Variants in GRID2 observed in about 807,000 individuals in gnomAD.
The protein encoded by GRID2 is glutamate receptor ionotropic, delta-2.
In GRID2, 33 loss-of-function variants were observed where a neutral mutation model predicts 114.8. That is an observed-to-expected ratio of 0.29 (90% CI 0.22 to 0.38). The LOEUF is 0.38. GRID2 is among the 10% of genes least tolerant of loss of function. The pLI is 1.00. For synonymous variants in GRID2, 505 were observed against 449.9 expected, an observed-to-expected ratio of 1.12 and a Z score of -1.55; for missense variants, 1,184 against 1,257.7, an observed-to-expected ratio of 0.94 and a Z score of 0.89.
At chr4:93,465,270 C>T (rs1310167314) in intron 11 of GRID2, among the ~76,000 whole-genome samples, 1 of 152,180 alleles carries the variant, frequency 6.6e-6, no homozygotes, top group East Asian at 1.9e-4. Context: ...AATTTTTTAC[C>T]TAGTCACAAA....
chr4:93,469,448 T>C (rs1724594966), intron 11 of GRID2, among the ~76,000 whole-genome samples: 1 of 151,854 alleles, frequency 6.6e-6, no homozygotes, highest in Admixed American at 6.6e-5. Flanking sequence ...AATATTTTTA[T>C]TATTTTTATT....
chr4:93,573,247 T>A (rs1266826820), intron 13 of GRID2, among the ~76,000 whole-genome samples: 1 of 152,192 alleles, frequency 6.6e-6, no homozygotes, highest in Non-Finnish European at 1.5e-5. Flanking sequence ...ATTGTACAAC[T>A]CTTTTAAAGT....
intron 10 of GRID2, among the ~76,000 whole-genome samples, chr4:93,445,540 T>G (rs1307666086): frequency 1.3e-5 from 2 of 152,042 alleles, no homozygotes; most frequent in Non-Finnish European, 2.9e-5. Flanking sequence ...ATATAAAAGT[T>G]TCACTTTTAT....
At chr4:93,647,324 T>C (rs796483583) in intron 14 of GRID2, among the ~76,000 whole-genome samples, 1 of 152,266 alleles carries the variant, frequency 6.6e-6, no homozygotes, top group African/African-American at 2.4e-5. Context: ...GAAATTTATC[T>C]CACATAGCGA....
intron 1 of GRID2, among the ~76,000 whole-genome samples, chr4:92,478,385 G>A (rs150913673): frequency 3.3e-4 from 50 of 152,124 alleles, no homozygotes; most frequent in African/African-American, 1.1e-3. Flanking sequence ...CCATAAAATT[G>A]CATTTTAGTA....
chr4:92,315,800 G>A lies in GRID2; in HGVS notation c.88+11056G>A, dbSNP rs186434904. Among the ~76,000 whole-genome samples the A allele has an allele frequency of 2.9e-3, 440 of 151,614 alleles. 2 individuals carry two copies. The highest frequency in any genetic ancestry group is 9.8e-3 in the African/African-American group (406 of 41,322). ...AGCCTGACCAACATGGTGAAACCCC[G>A]TCTCTACTAAAAATACAAAAATTAA... On this transcript the variant is annotated intron_variant, in intron 1 of 15. Transcript: ENST00000282020.
intron 10 of GRID2, among the ~76,000 whole-genome samples, chr4:93,452,015 C>G (rs1722734478): frequency 6.6e-6 from 1 of 152,092 alleles, no homozygotes; most frequent in Admixed American, 6.5e-5. Flanking sequence ...AGATACACAT[C>G]TAGAAATAAT....
At chr4:92,640,024 C>T (rs930414937) in intron 2 of GRID2, among the ~76,000 whole-genome samples, 4 of 151,730 alleles carry the variant, frequency 2.6e-5, no homozygotes, top group African/African-American at 9.7e-5. Context: ...TAGAGATAGA[C>T]ATTTTGCAGA....
At chr4:92,465,362 C>T (rs1432418744) in intron 1 of GRID2, among the ~76,000 whole-genome samples, 2 of 151,718 alleles carry the variant, frequency 1.3e-5, no homozygotes, top group Non-Finnish European at 2.9e-5. Context: ...ATTCATTAGA[C>T]ACTATTTGGA....
chr4:92,662,566 A>C (rs750697535), intron 2 of GRID2, among the ~76,000 whole-genome samples: 95 of 151,086 alleles, frequency 6.3e-4, no homozygotes, highest in Non-Finnish European at 1.3e-3. Flanking sequence ...TCCAGACACT[A>C]CTTTGCAAAC....
At chr4:93,267,211 A>T (rs1256837911) in intron 8 of GRID2, among the ~76,000 whole-genome samples, 1 of 147,280 alleles carries the variant, frequency 6.8e-6, no homozygotes, top group African/African-American at 2.5e-5. Context: ...TTATACTTTA[A>T]GTTTTAGGGT....
At chr4:93,663,904 T>A (rs191877852) in intron 14 of GRID2, among the ~76,000 whole-genome samples, 1 of 152,318 alleles carries the variant, frequency 6.6e-6, no homozygotes, top group East Asian at 1.9e-4. Flanking sequence ...ATACATCACC[T>A]GGCTTAAACA....
chr4:92,614,828 A>G (rs1729929083), intron 2 of GRID2, among the ~76,000 whole-genome samples: 1 of 151,570 alleles, frequency 6.6e-6, no homozygotes, highest in Admixed American at 6.6e-5. Context: ...TCCCTAGTCT[A>G]TCTTTGATTC....
At chr4:93,155,825 A>G (rs1266022094) in intron 4 of GRID2, among the ~76,000 whole-genome samples, 2 of 151,832 alleles carry the variant, frequency 1.3e-5, no homozygotes, top group Non-Finnish European at 2.9e-5. Context: ...TGGGAAGGGT[A>G]GCGAGGGCAT....
intron 8 of GRID2, among the ~76,000 whole-genome samples, chr4:93,381,365 A>C (rs1035563935): frequency 1.3e-5 from 2 of 152,112 alleles, no homozygotes; most frequent in Non-Finnish European, 2.9e-5. Context: ...ACTTAGCATA[A>C]TGTCCTCAAG....
Position 93,630,396 on chromosome 4 carries a change from CA to C in GRID2, c.2360+3963del, listed in dbSNP as rs1425028696. Among the ~76,000 whole-genome samples the C allele has an allele frequency of 2.6e-5, 4 of 152,210 alleles. No homozygotes were observed. In the East Asian group the frequency reaches 7.7e-4, roughly 29 times the overall value. On this transcript the variant is annotated intron_variant, in intron 14 of 15. Transcript: ENST00000282020. ...AATTTTTCGGGTTGACTTCATTGTG[CA>C]ATAAATAAAGTTAACTCCAGTGTTG...
chr4:92,875,149 G>GTTTTTT, intron 2 of GRID2, among the ~76,000 whole-genome samples: 1 of 84,990 alleles, frequency 1.2e-5, no homozygotes, highest in Non-Finnish European at 2.3e-5. Context: ...AACTCAAAAG[G>GTTTTTT]TTTTTTTTTT....
chr4:92,856,289 C>A (rs1026708082), intron 2 of GRID2, among the ~76,000 whole-genome samples: 3 of 151,912 alleles, frequency 2.0e-5, no homozygotes, highest in Non-Finnish European at 4.4e-5. Context: ...ATTTCTATAC[C>A]CACTATCTAA....
intron 7 of GRID2, among the ~76,000 whole-genome samples, chr4:93,227,515 C>T (rs1196144097): frequency 2.6e-5 from 4 of 152,192 alleles, no homozygotes; most frequent in Non-Finnish European, 5.9e-5. Context: ...GTGTGAGCCA[C>T]CATGCCTGTC....
Sources: allele counts gnomAD v4.1 joint callset (sites outside exome capture counted in the v4.1 genomes callset), GRCh38; gene constraint gnomAD v4.1.1; transcripts MANE v1.5; gene names NCBI Gene and HGNC (gene_info 2026-07-23, HGNC 2026-07-21).